The following METTL15 variants were observed in gnomAD, a reference collection of about 807,000 sequenced individuals.
METTL15 encodes the protein methyltransferase 15, mitochondrial 12S rRNA N4-cytidine, also known as 12S rRNA N(4)-cytidine methyltransferase METTL15.
A neutral mutation model predicts 38.3 loss-of-function variants in METTL15; 34 were observed. The ratio of observed to expected loss-of-function variants is 0.89; its 90% confidence interval spans 0.68 to 1.18. The LOEUF (loss-of-function observed/expected upper bound fraction) is 1.18, where lower values mean the gene tolerates loss of function less well. METTL15 is among the 50% of genes most tolerant of loss of function. METTL15 has a pLI of 0.00. For synonymous variants in METTL15, 162 were observed against 170.9 expected, an observed-to-expected ratio of 0.95 and a Z score of 0.41; for missense variants, 438 against 498.4, an observed-to-expected ratio of 0.88 and a Z score of 1.15.
At chr11:28,192,080 C>CT (rs1421008909) in intron 3 of METTL15, among the ~76,000 whole-genome samples, 2 of 151,694 alleles carry the variant, frequency 1.3e-5, no homozygotes, top group African/African-American at 4.8e-5. Flanking sequence ...TCTTTTGTGT[C>CT]TATCTGTGTG....
chr11:28,444,029 A>G (rs1851056143), intron 6 of METTL15, among the ~76,000 whole-genome samples: 1 of 152,230 alleles, frequency 6.6e-6, no homozygotes, highest in African/African-American at 2.4e-5. Context: ...GTAATTACAA[A>G]CTATAAACAT....
At chr11:28,286,975 A>G (rs1229755697) in intron 4 of METTL15, among the ~76,000 whole-genome samples, 1 of 149,422 alleles carries the variant, frequency 6.7e-6, no homozygotes, top group African/African-American at 2.5e-5. Context: ...ATATATATGT[A>G]CTCTCCACAC....
chr11:28,458,701 A>G (rs1851190455), intron 6 of METTL15, among the ~76,000 whole-genome samples: 1 of 152,200 alleles, frequency 6.6e-6, no homozygotes, highest in Non-Finnish European at 1.5e-5. Flanking sequence ...TACTACTTTT[A>G]TCTGATGCTA....
At chr11:28,212,918 C>A (rs1208169230) in intron 4 of METTL15, among the ~76,000 whole-genome samples, 3 of 152,076 alleles carry the variant, frequency 2.0e-5, no homozygotes, top group African/African-American at 7.2e-5. Context: ...CACACTTTCT[C>A]AAATGTAGCT....
At chr11:28,430,705 G>A (rs1265672514) in intron 6 of METTL15, among the ~76,000 whole-genome samples, 8 of 114,352 alleles carry the variant, frequency 7.0e-5, no homozygotes, top group South Asian at 3.2e-4. Context: ...CCGGCCAGCC[G>A]CCCCGTCTGG....
chr11:28,264,612 T>A (rs910121500), intron 4 of METTL15, among the ~76,000 whole-genome samples: 3 of 152,106 alleles, frequency 2.0e-5, no homozygotes, highest in Non-Finnish European at 4.4e-5. Context: ...GTATCAAGAT[T>A]TTCCCCTGGG....
intron 4 of METTL15, among the ~76,000 whole-genome samples, chr11:28,225,855 A>G (rs1360818081): frequency 6.6e-6 from 1 of 151,692 alleles, no homozygotes; most frequent in Non-Finnish European, 1.5e-5. Flanking sequence ...TCTGTCCTGC[A>G]TGTCTTTGAT....
At chr11:28,375,683 T>G (rs1306319292) in intron 5 of METTL15, among the ~76,000 whole-genome samples, 5 of 152,066 alleles carry the variant, frequency 3.3e-5, no homozygotes, top group Admixed American at 1.3e-4. Flanking sequence ...CTGCCCTGAT[T>G]TTAGTTATTT....
Position 28,307,937 on chromosome 11 carries a change from G to A in METTL15, c.778+11006G>A, listed in dbSNP as rs374864934. ...TGGGATTAATTTTCCTCCTACCCAA[G>A]TACATATTTTAAGATATCTTCGATG... On this transcript the variant is annotated intron_variant, in intron 6 of 6. Coordinates refer to ENST00000407364, the MANE Select transcript of METTL15 (RefSeq NM_001113528.2). Among the ~76,000 whole-genome samples the A allele has an allele frequency of 9.9e-5, 15 of 152,006 alleles. No homozygotes were observed. In the East Asian group the frequency reaches 1.5e-3, roughly 16 times the overall value.
intron 6 of METTL15, among the ~76,000 whole-genome samples, chr11:28,479,956 T>C (rs1851381659): frequency 6.6e-6 from 1 of 152,216 alleles, no homozygotes; most frequent in African/African-American, 2.4e-5. Context: ...TCTATTGTTA[T>C]TGATGAATGA....
chr11:28,329,370 T>G (rs1232595903), intron 6 of METTL15, among the ~76,000 whole-genome samples: 2 of 152,154 alleles, frequency 1.3e-5, no homozygotes, highest in Non-Finnish European at 2.9e-5. Flanking sequence ...AGCTTTGAAA[T>G]TCATAAATGT....
chr11:28,256,770 T>A (rs542917826), intron 4 of METTL15, among the ~76,000 whole-genome samples: 4 of 152,236 alleles, frequency 2.6e-5, no homozygotes, highest in Non-Finnish European at 5.9e-5. Flanking sequence ...CATGCTTTTC[T>A]AGTTCTCTAA....
chr11:28,315,616 A>G (rs982684869), intron 6 of METTL15, among the ~76,000 whole-genome samples: 5 of 152,258 alleles, frequency 3.3e-5, no homozygotes, highest in Non-Finnish European at 5.9e-5. Flanking sequence ...AATCCCCAAG[A>G]CAATGGGGAA....
intron 3 of METTL15, among the ~76,000 whole-genome samples, chr11:28,341,175 T>G (rs1849948617): frequency 6.6e-6 from 1 of 151,892 alleles, no homozygotes; most frequent in South Asian, 2.1e-4. Context: ...TGTCAGAGGT[T>G]GGGGGGCTAG....
At chr11:28,413,040 C>T (rs1850742361) in intron 5 of METTL15, among the ~76,000 whole-genome samples, 1 of 151,936 alleles carries the variant, frequency 6.6e-6, no homozygotes, top group South Asian at 2.1e-4. Context: ...TTGTAAACTT[C>T]AACTATACAC....
At chr11:28,492,830 G>T (rs1245455558) in intron 6 of METTL15, among the ~76,000 whole-genome samples, 1 of 152,120 alleles carries the variant, frequency 6.6e-6, no homozygotes, top group African/African-American at 2.4e-5. Flanking sequence ...CTCAGGAAAT[G>T]ATAGTTGAAG....
chr11:28,451,131 C>T (rs1220407387), intron 6 of METTL15, among the ~76,000 whole-genome samples: 1 of 152,176 alleles, frequency 6.6e-6, no homozygotes, highest in Non-Finnish European at 1.5e-5. Flanking sequence ...AAGGAAACTG[C>T]ACTGGGATGA....
intron 4 of METTL15, among the ~76,000 whole-genome samples, chr11:28,355,630 A>G (rs999568413): frequency 6.6e-6 from 1 of 152,236 alleles, no homozygotes; most frequent in African/African-American, 2.4e-5. Flanking sequence ...TAGCATTTAC[A>G]TTGTACTAGG....
intron 4 of METTL15, among the ~76,000 whole-genome samples, chr11:28,270,434 C>T (rs1006649341): frequency 5.9e-5 from 9 of 152,110 alleles, no homozygotes; most frequent in Admixed American, 2.0e-4. Context: ...TGAAACCTAT[C>T]AAGAGTCTTT....
Sources: gnomAD v4.1 joint callset for allele counts (sites outside exome capture counted in the v4.1 genomes callset) on GRCh38, gnomAD v4.1.1 for gene constraint, MANE v1.5 for transcripts, NCBI Gene and HGNC (gene_info 2026-07-23, HGNC 2026-07-21) for gene names.